The following COG5 variants were observed in gnomAD, a reference collection of about 807,000 sequenced individuals.
The protein encoded by COG5 is component of oligomeric golgi complex 5.
In COG5, 86 loss-of-function variants were observed where a neutral mutation model predicts 110.4. The observed-to-expected ratio is 0.78, with a 90% CI of 0.65 to 0.93. The LOEUF (loss-of-function observed/expected upper bound fraction) is 0.93, where lower values mean the gene tolerates loss of function less well. Ranked by LOEUF, COG5 falls within the 40% of genes least tolerant of loss-of-function variation. The probability of loss-of-function intolerance (pLI) is 0.00; values close to 1 mark genes in which losing one functional copy is unlikely to be tolerated. For synonymous variants in COG5, 360 were observed against 334.6 expected (o/e 1.08, Z -0.83); for missense variants, 1,077 against 987.0 (o/e 1.09, Z -1.22).
chr7:107,260,075 G>GATATATATATATATATATATAT lies in COG5; in HGVS notation c.1576-1693_1576-1692insATATATATATATATATATATAT, dbSNP rs143875588. ...GTGACACAGCAGTTCAACTCCTAGT[G>GATATATATATATATATATATAT]ATATATATATATATATATGAAATAA... is the stretch of plus-strand genomic sequence containing the variant. On this transcript the variant is annotated intron_variant, in intron 14 of 21. Transcript: ENST00000297135. 1.2e-3 allele frequency among the ~76,000 whole-genome samples: 161 copies of GATATATATATATATATATATAT among 131,510 alleles called. 4 individuals are homozygous for GATATATATATATATATATATAT. Among genetic ancestry groups the GATATATATATATATATATATAT allele is most frequent in the Middle Eastern group, 4.1e-3 (1 of 246 alleles). The allele number at this position is 131,510 out of a possible 152,430, so 86.3% of individuals were successfully genotyped here.
rs372135160 is a variant in COG5, at chr7:107,487,252, T to A, written c.538+39985A>T. On this transcript the variant is annotated intron_variant, in intron 6 of 21. Coordinates refer to ENST00000297135, the MANE Select transcript of COG5 (RefSeq NM_006348.5). ...GCAAAGAATACAAACAGGTAACTCA[T>A]CAATGAAAAAGAATGACAAACACAA... Among the ~76,000 whole-genome samples the A allele has an allele frequency of 5.3e-5, 8 of 152,130 alleles. No homozygotes were observed. In the East Asian group the frequency reaches 7.7e-4, roughly 15 times the overall value.
rs1394001982 is a variant in COG5 at position 107,287,797 on chromosome 7, A to G, written c.1314-4065T>C. On this transcript the variant is annotated intron_variant, in intron 12 of 21. Transcript: ENST00000297135. ...TCTTTCACTTAGTATAATGTTTTCAAGGTTCATCCATGTTGCAGCATGTAC... is the reference window on the plus strand; with the variant it reads ...TCTTTCACTTAGTATAATGTTTTCAGGGTTCATCCATGTTGCAGCATGTAC... Among the ~76,000 whole-genome samples, 3 of 152,170 alleles carry G rather than the reference A, an allele frequency of 2.0e-5. No individual in the cohort carries two copies. The East Asian group carries it at 5.8e-4, about 29-fold the overall frequency.
intron 10 of COG5, among the ~76,000 whole-genome samples, chr7:107,354,352 T>C (rs748618829): frequency 3.9e-5 from 6 of 152,226 alleles, no homozygotes; most frequent in Non-Finnish European, 8.8e-5. Flanking sequence ...GTTCAGTTTA[T>C]GAACCCTATA....
chr7:107,482,296 C>T (rs1007300044), intron 6 of COG5, among the ~76,000 whole-genome samples: 10 of 151,778 alleles, frequency 6.6e-5, no homozygotes, highest in African/African-American at 1.9e-4. Context: ...GCAGGCACCA[C>T]CATACCCAGC....
chr7:107,322,543 C>A (rs1809399381), intron 11 of COG5, among the ~76,000 whole-genome samples: 1 of 152,084 alleles, frequency 6.6e-6, no homozygotes. Flanking sequence ...TACACACCCA[C>A]TGGAATGACT....
At chr7:107,325,104 C>A (rs1268434033) in intron 10 of COG5, among the ~76,000 whole-genome samples, 1 of 152,090 alleles carries the variant, frequency 6.6e-6, no homozygotes, top group Non-Finnish European at 1.5e-5. Flanking sequence ...ATTGCTACTA[C>A]TCAGTTTAGC....
chr7:107,434,767 A>AG (rs1179994029), intron 6 of COG5, among the ~76,000 whole-genome samples: 4 of 151,946 alleles, frequency 2.6e-5, no homozygotes, highest in African/African-American at 7.3e-5. Context: ...TCAGGAGATC[A>AG]AGACCATCCT....
chr7:107,382,202 G>T (rs1815185916), intron 7 of COG5, among the ~76,000 whole-genome samples: 1 of 152,088 alleles, frequency 6.6e-6, no homozygotes, highest in South Asian at 2.1e-4. Context: ...TTTCTAACAG[G>T]TCCAGGAGCT....
At chr7:107,213,531 A>G (rs1799318102) in intron 19 of COG5, among the ~76,000 whole-genome samples, 1 of 152,150 alleles carries the variant, frequency 6.6e-6, no homozygotes, top group Non-Finnish European at 1.5e-5. Context: ...AGGGAAATAC[A>G]CTTTGTGACG....
At chr7:107,207,614 T>C (rs1056670875) in intron 21 of COG5, among the ~76,000 whole-genome samples, 28 of 152,212 alleles carry the variant, frequency 1.8e-4, no homozygotes, top group African/African-American at 6.5e-4. Context: ...CTATCTTTAT[T>C]GAAAACACAT....
intron 5 of COG5, among the ~76,000 whole-genome samples, chr7:107,545,088 AG>A (rs1399254459): frequency 4.6e-5 from 7 of 152,204 alleles, no homozygotes; most frequent in Non-Finnish European, 7.4e-5. Context: ...ATCCAGTCAG[AG>A]GAACAAAAAG....
In COG5 at chr7:107,325,098, C is replaced by A. The variant is rs79062015; in HGVS notation, c.1027-577G>T. Among the ~76,000 whole-genome samples, 725 of 152,166 alleles carry A rather than the reference C, an allele frequency of 4.8e-3. 6 individuals are homozygous for A. The highest frequency in any genetic ancestry group is 0.025 in the East Asian group (128 of 5,182). ...GTTTTAAAAAAACTCAAAGGAATTG[C>A]TACTACTCAGTTTAGCATGATACTT... On this transcript the variant is annotated intron_variant, in intron 10 of 21. Transcript: ENST00000297135.
chr7:107,405,359 G>A (rs377095861), intron 7 of COG5, among the ~76,000 whole-genome samples: 68 of 152,292 alleles, frequency 4.5e-4, no homozygotes, highest in African/African-American at 1.6e-3. Context: ...ACAGCTGGAT[G>A]ACACCTCTGT....
intron 6 of COG5, among the ~76,000 whole-genome samples, chr7:107,424,676 C>T (rs1264036573): frequency 6.6e-6 from 1 of 152,106 alleles, no homozygotes; most frequent in Non-Finnish European, 1.5e-5. Context: ...ATGCTTAGCA[C>T]TGTATAAAGA....
chr7:107,488,200 A>T (rs906087217), intron 6 of COG5, among the ~76,000 whole-genome samples: 2 of 151,958 alleles, frequency 1.3e-5, no homozygotes, highest in African/African-American at 2.4e-5. Context: ...GCAGGCCTTC[A>T]TAAAAATTCC....
chr7:107,552,684 G>A (rs934256234), intron 3 of COG5, among the ~76,000 whole-genome samples: 2 of 152,136 alleles, frequency 1.3e-5, no homozygotes, highest in Non-Finnish European at 2.9e-5. Flanking sequence ...TGGTGGGAAG[G>A]TACAGCCACT....
At position 107,359,045 on chromosome 7, in the gene COG5, G is replaced by A. The variant is rs554882242; in HGVS notation, c.1026+2988C>T. ...CACTGCCATGAGGCTGGCTGCAGTGGAGAGCTGGCAGGAGTCCCACCCACT... is the reference window on the plus strand; with the variant it reads ...CACTGCCATGAGGCTGGCTGCAGTGAAGAGCTGGCAGGAGTCCCACCCACT... On this transcript the variant is annotated intron_variant, in intron 10 of 21. Transcript: ENST00000297135. 1.2e-3 allele frequency among the ~76,000 whole-genome samples: 179 copies of A among 152,308 alleles called. 1 individual carries two copies. Among genetic ancestry groups the A allele is most frequent in the Admixed American group, 9.5e-3 (146 of 15,302 alleles).
intron 6 of COG5, among the ~76,000 whole-genome samples, chr7:107,417,402 T>C (rs1792933235): frequency 2.6e-5 from 4 of 152,192 alleles, no homozygotes; most frequent in Admixed American, 2.0e-4. Context: ...AAGACGGTCC[T>C]TATAAAAATA....
At chr7:107,547,209 G>A (rs2129172409) in intron 5 of COG5, among the ~76,000 whole-genome samples, 1 of 152,178 alleles carries the variant, frequency 6.6e-6, no homozygotes, top group Non-Finnish European at 1.5e-5. Flanking sequence ...GGGGTGCAGG[G>A]ATAGTTCAAC....
Sources: allele counts gnomAD v4.1 joint callset (sites outside exome capture counted in the v4.1 genomes callset), GRCh38; gene constraint gnomAD v4.1.1; transcripts MANE v1.5; gene names NCBI Gene and HGNC (gene_info 2026-07-23, HGNC 2026-07-21).